Variants in EXD2 observed in about 807,000 individuals in gnomAD.
EXD2 encodes exonuclease 3'-5' domain-containing protein 2.
Under a neutral mutation model 62.5 loss-of-function variants are expected in EXD2, and 40 were observed. The observed-to-expected ratio is 0.64, with a 90% CI of 0.50 to 0.83. The LOEUF is 0.83. Ranked by LOEUF, EXD2 falls within the 40% of genes least tolerant of loss-of-function variation. The pLI is 0.00. For synonymous variants in EXD2, 239 were observed against 291.9 expected, an observed-to-expected ratio of 0.82 and a Z score of 1.85; for missense variants, 671 against 761.8, an observed-to-expected ratio of 0.88 and a Z score of 1.40.
intron 3 of EXD2, among the ~76,000 whole-genome samples, chr14:69,225,013 A>C (rs111364338): frequency 6.6e-6 from 1 of 152,132 alleles, no homozygotes; most frequent in African/African-American, 2.4e-5. Context: ...AATTACCTAC[A>C]TGCTCTTAAG....
At chr14:69,228,213 CAG>C (rs1402150848) in intron 3 of EXD2, among the ~76,000 whole-genome samples, 3 of 102,526 alleles carry the variant, frequency 2.9e-5, no homozygotes, top group African/African-American at 1.2e-4. Flanking sequence ...TTTTTTGAGA[CAG>C]AGTTTCACTC....
intron 3 of EXD2, among the ~76,000 whole-genome samples, chr14:69,227,694 A>G (rs2043408910): frequency 6.6e-6 from 1 of 151,980 alleles, no homozygotes. Flanking sequence ...AAATACAAAA[A>G]TTAGCTGGGC....
chr14:69,218,939 CATG>C (rs773043434), intron 3 of EXD2, among the ~76,000 whole-genome samples: 2 of 152,106 alleles, frequency 1.3e-5, no homozygotes, highest in African/African-American at 2.4e-5. Flanking sequence ...AGTCAGGTAG[CATG>C]ATGTCTCCAG....
intron 3 of EXD2, among the ~76,000 whole-genome samples, chr14:69,223,341 T>A (rs1374702713): frequency 6.6e-6 from 1 of 152,236 alleles, no homozygotes; most frequent in Non-Finnish European, 1.5e-5. Flanking sequence ...AATTCATTCT[T>A]GATTTTTCTT....
At chr14:69,215,155 A>G (rs1250918107) in intron 3 of EXD2, among the ~76,000 whole-genome samples, 1 of 151,980 alleles carries the variant, frequency 6.6e-6, no homozygotes, top group Non-Finnish European at 1.5e-5. Flanking sequence ...AGGTGTGGTG[A>G]TGCATACAGG....
chr14:69,192,633 C>T lies in EXD2; in HGVS notation c.-132+1042C>T, dbSNP rs140351981. Among the ~76,000 whole-genome samples, 217 of 151,966 alleles carry T rather than the reference C, an allele frequency of 1.4e-3. 2 individuals carry two copies. The Middle Eastern group carries it at 0.021, about 14-fold the overall frequency. ...TTTCCCACAAAATAAGAACTGTTGT[C>T]AGTTTGTGTGTATTTTTCTTTGCAT... On this transcript the variant is annotated intron_variant, in intron 1 of 9. Coordinates refer to ENST00000685843, the MANE Select transcript of EXD2 (RefSeq NM_001193360.2).
intron 4 of EXD2, 90 bp from the exon 5 acceptor site, chr14:69,230,382 C>T: frequency 1.4e-6 from 1 of 735,640 alleles, no homozygotes; most frequent in South Asian, 2.1e-5. Context: ...TATGTTATCT[C>T]TGTTTATTGG....
intron 3 of EXD2, among the ~76,000 whole-genome samples, chr14:69,215,296 A>ATGTGTGTGTGTG (rs1373614464): frequency 1.7e-4 from 10 of 59,650 alleles, no homozygotes; most frequent in African/African-American, 5.1e-4. Flanking sequence ...TCTCAAAAAT[A>ATGTGTGTGTGTG]TATGTGTGTG....
Position 69,218,994 on chromosome 14 carries a change from G to GT in EXD2, c.333+9197dup, listed in dbSNP as rs529300832. Among the ~76,000 whole-genome samples the GT allele has an allele frequency of 9.7e-4, 147 of 152,112 alleles. 2 individuals are homozygous for GT. Among genetic ancestry groups the GT allele is most frequent in the African/African-American group, 3.3e-3 (137 of 41,528 alleles). On this transcript the variant is annotated intron_variant, in intron 3 of 9. Transcript: ENST00000685843. ...TAGGATTGTCTTGGCAATGCAGGCT[G>GT]TTTTTTGGTTACATATGAACTTTAA...
chr14:69,219,120 T>C (rs948477060), intron 3 of EXD2, among the ~76,000 whole-genome samples: 2 of 152,238 alleles, frequency 1.3e-5, no homozygotes, highest in African/African-American at 4.8e-5. Context: ...TTTCACGATA[T>C]TGATTCTTCC....
chr14:69,214,613 C>G (rs909875268), intron 3 of EXD2, among the ~76,000 whole-genome samples: 2 of 152,128 alleles, frequency 1.3e-5, no homozygotes, highest in Non-Finnish European at 2.9e-5. Flanking sequence ...GAAACTAGGT[C>G]AAGAAACGTA....
intron 2 of EXD2, among the ~76,000 whole-genome samples, chr14:69,206,853 C>T (rs1481939692): frequency 6.6e-6 from 1 of 152,124 alleles, no homozygotes. Flanking sequence ...GGGGGCTTAA[C>T]TGTGTTTTAC....
chr14:69,205,305 C>T (rs557858134), intron 2 of EXD2, among the ~76,000 whole-genome samples: 1 of 152,220 alleles, frequency 6.6e-6, no homozygotes, highest in East Asian at 1.9e-4. Flanking sequence ...CCCACCTCGG[C>T]CTCCCAAAGC....
At position 69,241,465 on chromosome 14, in the gene EXD2, A is replaced by G; in HGVS notation, c.*365A>G. 1 of 260,060 alleles carries G rather than the reference A, an allele frequency of 3.8e-6. No individual in the cohort carries two copies. Among genetic ancestry groups the G allele is most frequent in the East Asian group, 7.4e-5 (1 of 13,514 alleles). 16.1% of individuals were successfully genotyped at this position (260,060 alleles called of 1,614,324 possible). A position where few individuals can be genotyped will look rare whatever the true frequency, so the allele number is the denominator to read the frequency against. On this transcript the variant is annotated 3_prime_UTR_variant, in exon 10 of 10. Transcript: ENST00000685843. ...TTTTTAATGCATTTCTTCCTTGTCT[A>G]GTGCCTCGGTTTATCTCTAACAGGG...
Position 69,236,465 on chromosome 14 carries a change from C to G in EXD2, c.1215C>G (p.Pro405=). 3 of 1,614,048 alleles carry G rather than the reference C, an allele frequency of 1.9e-6. No individual in the cohort carries two copies. The highest frequency in any genetic ancestry group is 2.2e-5 in the South Asian group (2 of 91,072). ...VKLRFEPAGR[P]ESPGDYYLMV... ...TACGGTTTGAACCTGCAGGAAGGCC[C>G]GAATCTCCTGGAGACTATTACTTGA... The change falls in exon 8 of 10, where the codon CCC becomes CCG. Residue 405 remains proline, a synonymous_variant. Coordinates refer to ENST00000685843, the MANE Select transcript of EXD2 (RefSeq NM_001193360.2).
chr14:69,224,783 A>T lies in EXD2; in HGVS notation c.334-4033A>T, dbSNP rs1003948097. ...ATCATGATGTCAAGAGATCGAGACCATCCTGGCCAACATGGTGAAACCCTG... is the reference window on the plus strand; with the variant it reads ...ATCATGATGTCAAGAGATCGAGACCTTCCTGGCCAACATGGTGAAACCCTG... On this transcript the variant is annotated intron_variant, in intron 3 of 9. Transcript: ENST00000685843. Among the ~76,000 whole-genome samples, 3 of 152,180 alleles carry T rather than the reference A, an allele frequency of 2.0e-5. No individual in the cohort carries two copies. The South Asian group carries it at 6.2e-4, about 32-fold the overall frequency.
chr14:69,230,468 T>C lies in EXD2; in HGVS notation c.591-4T>C, dbSNP rs61980286. The C allele has an allele frequency of 0.035, 55,635 of 1,583,552 alleles. 1,155 individuals carry two copies. Among genetic ancestry groups the C allele is most frequent in the Non-Finnish European group, 0.041 (48,034 of 1,165,042 alleles). On this transcript the variant is annotated splice_region_variant and splice_polypyrimidine_tract_variant and intron_variant, in intron 4 of 9. Coordinates refer to ENST00000685843, the MANE Select transcript of EXD2 (RefSeq NM_001193360.2). Reference sequence around the variant, plus strand: ...TGATGCATGGTTTTCTTTGTTTCTTTTAGAAACAATTTGCTCTGTAATGGG... The same window carrying C: ...TGATGCATGGTTTTCTTTGTTTCTTCTAGAAACAATTTGCTCTGTAATGGG...
Position 69,234,779 on chromosome 14 carries a change from C to G in EXD2, c.797C>G (p.Ser266Ter). 6.2e-7 allele frequency: 1 copy of G among 1,614,068 alleles called. No individual in the cohort carries two copies. Among genetic ancestry groups the G allele is most frequent in the Non-Finnish European group, 8.5e-7 (1 of 1,180,012 alleles). The stretch of plus-strand genomic sequence containing the variant: ...CTTGGATACCCTTTCTCTAGGAATT[C>G]ACCTGGAGAAAAAAACGATGACCAC... ...HLLGYPFSRN[S>*]PGEKNDDHSS... is the part of the protein sequence containing the mutation. The change falls in exon 6 of 10, where the codon TCA (serine) becomes TGA (stop). Residue 266 changes from serine to a stop codon, truncating the protein, a stop_gained. Transcript: ENST00000685843. LOFTEE classifies it high-confidence loss of function.
chr14:69,241,937 T>C lies in EXD2; in HGVS notation c.*837T>C. On this transcript the variant is annotated 3_prime_UTR_variant, in exon 10 of 10. Transcript: ENST00000685843. ...TAGCTTCACCCCTTTCTGAGAGTAATGTTATCTTTTATCAGAATCAGTATC... is the reference window on the plus strand; with the variant it reads ...TAGCTTCACCCCTTTCTGAGAGTAACGTTATCTTTTATCAGAATCAGTATC... 1 of 398,884 alleles carries C rather than the reference T, an allele frequency of 2.5e-6. No individual in the cohort carries two copies. The highest frequency in any genetic ancestry group is 4.4e-6 in the Non-Finnish European group (1 of 226,084). The allele number at this position is 398,884 out of a possible 1,614,324, so 24.7% of individuals were successfully genotyped here. A position where few individuals can be genotyped will look rare whatever the true frequency, so the allele number is the denominator to read the frequency against.
Sources: allele counts gnomAD v4.1 joint callset (sites outside exome capture counted in the v4.1 genomes callset), GRCh38; gene constraint gnomAD v4.1.1; transcripts MANE v1.5; gene names NCBI Gene and HGNC (gene_info 2026-07-23, HGNC 2026-07-21).